Variants in LSM7 observed in about 807,000 individuals in gnomAD.
LSM7 encodes the protein U6 snRNA-associated Sm-like protein LSm7.
LSM7 carries 13 observed loss-of-function variants against 14.1 expected under a neutral mutation model. The ratio of observed to expected loss-of-function variants is 0.92; its 90% CI spans 0.60 to 1.47. The LOEUF (loss-of-function observed/expected upper bound fraction) is 1.47, where lower values mean the gene tolerates loss of function less well. Ranked by LOEUF, LSM7 falls within the 40% of genes most tolerant of loss-of-function variation. The pLI is 0.00. For synonymous variants in LSM7, 70 were observed against 57.1 expected, an observed-to-expected ratio of 1.23 and a Z score of -1.02; for missense variants, 108 against 140.8, an observed-to-expected ratio of 0.77 and a Z score of 1.18.
In LSM7 at chr19:2,327,781, T is replaced by C. The variant is rs1451839352; in HGVS notation, c.97+606A>G. On this transcript the variant is annotated intron_variant, in intron 2 of 3. Transcript: ENST00000252622. ...GACAAAGAGGTTTGGGTCCCCGTCTTACAAAAAAAAGAAACCAAAGATCCA... is the reference window on the plus strand; with the variant it reads ...GACAAAGAGGTTTGGGTCCCCGTCTCACAAAAAAAAGAAACCAAAGATCCA... Among the ~76,000 whole-genome samples, 6 of 152,160 alleles carry C rather than the reference T, an allele frequency of 3.9e-5. No individual in the cohort carries two copies. The East Asian group carries it at 1.2e-3, about 29-fold the overall frequency.
chr19:2,325,611 C>T (rs1568421550), intron 2 of LSM7, among the ~76,000 whole-genome samples: 2 of 152,188 alleles, frequency 1.3e-5, no homozygotes, highest in East Asian at 1.9e-4. Context: ...GCCGAGAGCC[C>T]GTCCACGGCT....
chr19:2,323,135 G>A (rs527369911), intron 3 of LSM7, among the ~76,000 whole-genome samples: 1 of 152,320 alleles, frequency 6.6e-6, no homozygotes, highest in South Asian at 2.1e-4. Context: ...CTGGGGACTT[G>A]CCGCAGGAGC....
rs1366445053 is a variant in LSM7 at position 2,324,211 on chromosome 19, C to T, written c.98-15G>A. 7 of 1,564,526 alleles carry T rather than the reference C, an allele frequency of 4.5e-6. No individual in the cohort carries two copies. The highest frequency in any genetic ancestry group is 2.4e-5 in the East Asian group (1 of 42,106). ...GATTCCACTGGCTTGGAGAAATCAC[C>T]GGGGGAGAGAAAAGAGAAGGCATGA... On this transcript the variant is annotated splice_polypyrimidine_tract_variant and intron_variant, in intron 2 of 3. Transcript: ENST00000252622.
At chr19:2,324,592 C>T (rs1967986225) in intron 2 of LSM7, 1 of 201,500 alleles carries the variant, frequency 5.0e-6, no homozygotes, top group South Asian at 1.2e-4. Context: ...TGTTTTGATC[C>T]CTTTCTAGCT....
intron 2 of LSM7, chr19:2,326,214 C>A (rs571398600): frequency 6.6e-6 from 1 of 152,268 alleles, no homozygotes; most frequent in Non-Finnish European, 1.5e-5. Flanking sequence ...GTAATTAGAG[C>A]CCCTGAATCA....
At chr19:2,326,765 C>T (rs964849891) in intron 2 of LSM7, among the ~76,000 whole-genome samples, 4 of 152,302 alleles carry the variant, frequency 2.6e-5, no homozygotes, top group East Asian at 1.9e-4. Flanking sequence ...CCCCCGCACC[C>T]GGCCCCAAAC....
chr19:2,323,903 C>G (rs1388503371), intron 3 of LSM7, among the ~76,000 whole-genome samples: 3 of 152,232 alleles, frequency 2.0e-5, no homozygotes, highest in African/African-American at 7.2e-5. Flanking sequence ...GGGTTTCCTG[C>G]TTTGTGAGGA....
At chr19:2,325,539 C>T (rs1968001307) in intron 2 of LSM7, among the ~76,000 whole-genome samples, 1 of 152,242 alleles carries the variant, frequency 6.6e-6, no homozygotes, top group Non-Finnish European at 1.5e-5. Context: ...GCAGGCACCA[C>T]CAATCTCGGG....
At chr19:2,325,490 A>ACGCCAATCTCAGGAAGCAGGCAC (rs1270378277) in intron 2 of LSM7, among the ~76,000 whole-genome samples, 1 of 152,082 alleles carries the variant, frequency 6.6e-6, no homozygotes, top group East Asian at 1.9e-4. Flanking sequence ...CTGCACGCCC[A>ACGCCAATCTCAGGAAGCAGGCAC]CGCCAATCTC....
chr19:2,328,122 T>G, intron 2 of LSM7: 1 of 391,930 alleles, frequency 2.6e-6, no homozygotes, highest in Non-Finnish European at 4.6e-6. Context: ...AAAATACAAA[T>G]ATTAGCCGGG....
chr19:2,324,266 G>T, intron 2 of LSM7, 70 bp from the exon 3 acceptor site: 1 of 1,243,994 alleles, frequency 8.0e-7, no homozygotes, highest in Non-Finnish European at 1.2e-6. Flanking sequence ...GCCCGCCCCA[G>T]CATGGCCCAG....
intron 3 of LSM7, among the ~76,000 whole-genome samples, chr19:2,322,636 A>G (rs1967951777): frequency 6.6e-6 from 1 of 152,188 alleles, no homozygotes; most frequent in African/African-American, 2.4e-5. Flanking sequence ...CAAGCTCTCA[A>G]GAGGCTGAAG....
At chr19:2,323,536 C>T (rs565148474) in intron 3 of LSM7, among the ~76,000 whole-genome samples, 43 of 152,274 alleles carry the variant, frequency 2.8e-4, no homozygotes, top group South Asian at 2.7e-3. Context: ...CTGCAACCTC[C>T]GCCTCCCAGG....
In LSM7 at chr19:2,324,142, G is replaced by T; in HGVS notation, c.152C>A (p.Thr51Asn). The change falls in exon 3 of 4, where the codon ACC becomes AAC. Residue 51 changes from threonine (T) to asparagine (N), a missense_variant. Transcript: ENST00000252622. ...DPLLNLVLDG[T>N]IEYMRDPDDQ... ...CCACTCACCTCGCATGTACTCAATG[G>T]TGCCGTCCAGCACAAGGTTGAGGAG... The T allele has an allele frequency of 1.9e-6, 3 of 1,575,742 alleles. No homozygotes were observed. Among genetic ancestry groups the T allele is most frequent in the Non-Finnish European group, 2.6e-6 (3 of 1,161,218 alleles).
At chr19:2,328,157 C>T in intron 2 of LSM7, 1 of 509,910 alleles carries the variant, frequency 2.0e-6, no homozygotes, top group East Asian at 3.4e-5. Flanking sequence ...TTAATTCCAG[C>T]TACTCGGGAG....
rs919173226 is a variant in LSM7 at position 2,321,602 on chromosome 19, G to A, written c.*78C>T. 1.0e-5 allele frequency: 13 copies of A among 1,294,222 alleles called. No individual in the cohort carries two copies. Among genetic ancestry groups the A allele is most frequent in the Middle Eastern group, 2.7e-4 (1 of 3,704 alleles). 80.2% of individuals were successfully genotyped at this position (1,294,222 alleles called of 1,614,324 possible). ...TGCTTCCGTTCCAGGAGGCGGTACT[G>A]CGGTGGGAGCAGCAGCCAAGTCCGC... On this transcript the variant is annotated 3_prime_UTR_variant, in exon 4 of 4. Coordinates refer to ENST00000252622, the MANE Select transcript of LSM7 (RefSeq NM_016199.3). This position sits in a 1 kb window ranked among gnomAD's most constrained non-coding sequence, Gnocchi z 5.0.
Position 2,325,410 on chromosome 19 carries a change from C to T in LSM7, c.98-1214G>A, listed in dbSNP as rs571476981. On this transcript the variant is annotated intron_variant, in intron 2 of 3. Coordinates refer to ENST00000252622, the MANE Select transcript of LSM7 (RefSeq NM_016199.3). ...CCCGCAGCCACCCCCTCCCTGCTCT[C>T]CTTCTTACCCCTGTCATCTTTCAGG... 2.9e-3 allele frequency among the ~76,000 whole-genome samples: 315 copies of T among 109,478 alleles called. 3 individuals are homozygous for T. Among genetic ancestry groups the T allele is most frequent in the Admixed American group, 6.3e-3 (67 of 10,694 alleles). 71.8% of individuals were successfully genotyped at this position (109,478 alleles called of 152,430 possible). A position where few individuals can be genotyped will look rare whatever the true frequency, so the allele number is the denominator to read the frequency against.
intron 2 of LSM7, among the ~76,000 whole-genome samples, chr19:2,325,684 C>T (rs1968003908): frequency 6.6e-6 from 1 of 152,218 alleles, no homozygotes; most frequent in Non-Finnish European, 1.5e-5. Flanking sequence ...AAACTACGAC[C>T]CCCAGGTGAA....
At position 2,324,193 on chromosome 19, in the gene LSM7, C is replaced by T; in HGVS notation, c.101G>A (p.Ser34Asn). The change falls in exon 3 of 4, where the codon AGT becomes AAT. Residue 34 changes from serine to asparagine, a missense_variant. Ser to Asn is a conservative substitution (Grantham distance 46, BLOSUM62 1). Coordinates refer to ENST00000252622, the MANE Select transcript of LSM7 (RefSeq NM_016199.3). Reference protein sequence around the residue: ...RVKFQGGREASGILKGFDPLL... With the variant: ...RVKFQGGREANGILKGFDPLL... ...TGGGTCGAAGCCCTTCAGGATTCCA[C>T]TGGCTTGGAGAAATCACCGGGGGAG... 1 of 1,577,656 alleles carries T rather than the reference C, an allele frequency of 6.3e-7. No homozygotes were observed.
Sources: gnomAD v4.1 joint callset for allele counts (sites outside exome capture counted in the v4.1 genomes callset) on GRCh38, gnomAD v4.1.1 for gene constraint, Gnocchi (gnomAD v3.1) non-coding constraint, MANE v1.5 for transcripts, NCBI Gene and HGNC (gene_info 2026-07-23, HGNC 2026-07-21) for gene names.